BAZ2B: variants seen among roughly 807,000 people sequenced by gnomAD.
BAZ2B encodes bromodomain adjacent to zinc finger domain protein 2B.
A neutral mutation model predicts 246.0 loss-of-function variants in BAZ2B; 91 were observed. That is an observed-to-expected ratio of 0.37 (90% CI 0.31 to 0.44). BAZ2B has a LOEUF of 0.44. Ranked by LOEUF, BAZ2B falls within the 20% of genes least tolerant of loss-of-function variation. The pLI, the probability that BAZ2B is intolerant of heterozygous loss-of-function variation, is 1.00. For synonymous variants in BAZ2B, 855 were observed against 860.0 expected, an observed-to-expected ratio of 0.99 and a Z score of 0.10; for missense variants, 2,332 against 2,533.7, an observed-to-expected ratio of 0.92 and a Z score of 1.71.
rs191979192 is a variant in BAZ2B, at chr2:159,567,086, T to C, written c.-45-11221A>G. 4.6e-5 allele frequency among the ~76,000 whole-genome samples: 7 copies of C among 152,026 alleles called. No homozygotes were observed. In the East Asian group the frequency reaches 9.7e-4, roughly 21 times the overall value. ...GATGAGACCTTGTTTCTACTAAAAA[T>C]ACAAAAATTAGCCAGGCATGGTGGT... is the stretch of plus-strand genomic sequence containing the variant. On this transcript the variant is annotated intron_variant, in intron 1 of 36. Transcript: ENST00000392783.
the BAZ2B span, among the ~76,000 whole-genome samples, chr2:159,623,487 T>C: frequency 6.6e-6 from 1 of 152,260 alleles, no homozygotes; most frequent in East Asian, 1.9e-4. Flanking sequence ...GTAAGAGAAA[T>C]GCACATGAAG....
At chr2:159,458,371 G>A (rs996325741) in intron 3 of BAZ2B, 1 of 150,684 alleles carries the variant, frequency 6.6e-6, no homozygotes, top group African/African-American at 2.5e-5. Flanking sequence ...TATTGCTCAG[G>A]CTGGAGGGCA....
At chr2:159,706,957 A>C in the BAZ2B span, among the ~76,000 whole-genome samples, 1 of 152,230 alleles carries the variant, frequency 6.6e-6, no homozygotes, top group Non-Finnish European at 1.5e-5. Flanking sequence ...TTCTGCCTTA[A>C]GAATGCAGCA....
At chr2:159,574,531 G>A (rs1459384526) in intron 1 of BAZ2B, among the ~76,000 whole-genome samples, 7 of 152,022 alleles carry the variant, frequency 4.6e-5, no homozygotes, top group Non-Finnish European at 1.0e-4. Context: ...ATATGCACAA[G>A]AGAACTACAA....
At chr2:159,391,647 T>A (rs904806773) in intron 20 of BAZ2B, among the ~76,000 whole-genome samples, 2 of 152,128 alleles carry the variant, frequency 1.3e-5, no homozygotes, top group Non-Finnish European at 2.9e-5. Flanking sequence ...ACGGACAAGC[T>A]AGATAGAGTG....
intron 34 of BAZ2B, among the ~76,000 whole-genome samples, chr2:159,328,925 C>T (rs1575644747): frequency 6.6e-6 from 1 of 151,946 alleles, no homozygotes; most frequent in Non-Finnish European, 1.5e-5. Context: ...GTTAGGAGTT[C>T]GAGACCAGCT....
chr2:159,594,086 C>T (rs1296497721), intron 1 of BAZ2B, among the ~76,000 whole-genome samples: 5 of 152,156 alleles, frequency 3.3e-5, no homozygotes, highest in African/African-American at 1.2e-4. Context: ...CACTGAACTT[C>T]TAATATTCTG....
At chr2:159,374,622 T>G (rs2061222847) in intron 26 of BAZ2B, 69 bp downstream of exon 26, 2 of 1,386,804 alleles carry the variant, frequency 1.4e-6, no homozygotes, top group South Asian at 2.4e-5. Flanking sequence ...TCAGAAAAAC[T>G]AATCCCCTTA....
At chr2:159,571,267 C>T (rs763734138) in intron 1 of BAZ2B, among the ~76,000 whole-genome samples, 4 of 152,006 alleles carry the variant, frequency 2.6e-5, no homozygotes, top group Non-Finnish European at 5.9e-5. Flanking sequence ...GACACTGTGA[C>T]ATACTGAATA....
intron 13 of BAZ2B, among the ~76,000 whole-genome samples, chr2:159,422,133 AG>A (rs2068877243): frequency 6.6e-6 from 1 of 152,246 alleles, no homozygotes; most frequent in Non-Finnish European, 1.5e-5. Flanking sequence ...GCTCATGGAT[AG>A]GAAGAATCAA....
chr2:159,451,405 C>T (rs574318009), intron 4 of BAZ2B, among the ~76,000 whole-genome samples: 12 of 152,172 alleles, frequency 7.9e-5, no homozygotes, highest in South Asian at 4.2e-4. Flanking sequence ...ATTTACTGGG[C>T]AATTTAAAAG....
At chr2:159,528,976 G>C (rs2085058541) in intron 2 of BAZ2B, among the ~76,000 whole-genome samples, 1 of 119,262 alleles carries the variant, frequency 8.4e-6, no homozygotes, top group African/African-American at 3.1e-5. Flanking sequence ...GGGTGGGGGT[G>C]GGGGGAGGGA....
chr2:159,563,493 G>A (rs2090077245), intron 1 of BAZ2B, among the ~76,000 whole-genome samples: 1 of 152,086 alleles, frequency 6.6e-6, no homozygotes, highest in African/African-American at 2.4e-5. Flanking sequence ...GTGAAAAAAT[G>A]CCACTTAAAA....
intron 2 of BAZ2B, among the ~76,000 whole-genome samples, chr2:159,543,535 CTTTTTTT>C (rs199527937): frequency 6.3e-5 from 8 of 127,312 alleles, no homozygotes; most frequent in Non-Finnish European, 1.2e-4. Context: ...CTTAACAATT[CTTTTTTT>C]TTTTTTTTTT....
At chr2:159,673,505 A>T in the BAZ2B span, among the ~76,000 whole-genome samples, 35 of 152,322 alleles carry the variant, frequency 2.3e-4, 1 homozygote, top group East Asian at 4.6e-3. Flanking sequence ...CATTTCTGGA[A>T]TTTACCCTGA....
chr2:159,572,613 TTA>T (rs1179244834), intron 1 of BAZ2B, among the ~76,000 whole-genome samples: 1 of 152,238 alleles, frequency 6.6e-6, no homozygotes, highest in Non-Finnish European at 1.5e-5. Flanking sequence ...TATTTTATTA[TTA>T]TTATGCATAG....
chr2:159,436,234 T>G (rs995145460), intron 8 of BAZ2B, among the ~76,000 whole-genome samples: 1 of 152,222 alleles, frequency 6.6e-6, no homozygotes, highest in Non-Finnish European at 1.5e-5. Flanking sequence ...TAGTATTGTA[T>G]TTTAATTTTC....
chr2:159,587,970 C>T (rs1040207310), intron 1 of BAZ2B, among the ~76,000 whole-genome samples: 4 of 151,984 alleles, frequency 2.6e-5, no homozygotes, highest in African/African-American at 9.7e-5. Context: ...GTGAGCGTAC[C>T]GCTTGAGCCC....
intron 2 of BAZ2B, among the ~76,000 whole-genome samples, chr2:159,532,082 C>T (rs1485001374): frequency 1.3e-5 from 2 of 152,048 alleles, no homozygotes; most frequent in East Asian, 1.9e-4. Flanking sequence ...TAACAATCTG[C>T]CACAAAATTA....
Sources: allele counts gnomAD v4.1 joint callset (sites outside exome capture counted in the v4.1 genomes callset), GRCh38; gene constraint gnomAD v4.1.1; transcripts MANE v1.5; gene names NCBI Gene and HGNC (gene_info 2026-07-23, HGNC 2026-07-21).